The following CLVS1 variants were observed in gnomAD, a reference collection of about 807,000 sequenced individuals.
The protein encoded by CLVS1 is clavesin 1.
A neutral mutation model predicts 33.1 loss-of-function variants in CLVS1; 10 were observed. The observed-to-expected ratio is 0.30, with a 90% CI of 0.19 to 0.51. The LOEUF (loss-of-function observed/expected upper bound fraction) is 0.51, where lower values mean the gene tolerates loss of function less well. Among genes scored for constraint, CLVS1 ranks in the 20% least tolerant of loss-of-function variants. CLVS1 has a pLI of 0.97. For synonymous variants in CLVS1, 163 were observed against 166.1 expected, an observed-to-expected ratio of 0.98 and a Z score of 0.14; for missense variants, 343 against 433.4, an observed-to-expected ratio of 0.79 and a Z score of 1.85.
At chr8:61,085,762 C>T (rs1805109489) in intron 1 of CLVS1, among the ~76,000 whole-genome samples, 1 of 151,248 alleles carries the variant, frequency 6.6e-6, no homozygotes, top group Non-Finnish European at 1.5e-5. Context: ...TGGCTCACAC[C>T]TGTAATCCCA....
chr8:61,080,867 C>T (rs73260323), intron 1 of CLVS1, among the ~76,000 whole-genome samples: 12,202 of 152,120 alleles, frequency 0.08, 572 homozygotes, highest in Middle Eastern at 0.13. Flanking sequence ...CAAGAGTTAG[C>T]GCTTGGCTGT....
upstream of CLVS1, among the ~76,000 whole-genome samples, chr8:61,284,648 T>G (rs562439588): frequency 6.6e-6 from 1 of 152,204 alleles, no homozygotes; most frequent in East Asian, 1.9e-4. Flanking sequence ...GTTATTAAAG[T>G]GCAAATAAAG....
chr8:61,088,467 G>A (rs1200523657), intron 1 of CLVS1, among the ~76,000 whole-genome samples: 3 of 131,024 alleles, frequency 2.3e-5, no homozygotes, highest in Non-Finnish European at 4.6e-5. Context: ...TCCAGCCAAG[G>A]TAACAGAGCG....
intron 1 of CLVS1, among the ~76,000 whole-genome samples, chr8:61,299,008 T>C (rs1810327657): frequency 6.6e-6 from 1 of 152,122 alleles, no homozygotes; most frequent in Non-Finnish European, 1.5e-5. Flanking sequence ...ATAAAGCCAT[T>C]TGCAAATGTC....
At chr8:61,467,047 A>G (rs1413096969) in intron 5 of CLVS1, among the ~76,000 whole-genome samples, 1 of 152,220 alleles carries the variant, frequency 6.6e-6, no homozygotes, top group Non-Finnish European at 1.5e-5. Context: ...CTTCAAATAT[A>G]TGTATCTGTA....
intron 1 of CLVS1, among the ~76,000 whole-genome samples, chr8:61,091,325 T>C (rs1020496661): frequency 6.6e-6 from 1 of 152,208 alleles, no homozygotes; most frequent in Non-Finnish European, 1.5e-5. Flanking sequence ...ATTTTAGCCA[T>C]AGAGGACTCA....
intron 2 of CLVS1, among the ~76,000 whole-genome samples, chr8:61,225,796 A>G (rs1808315840): frequency 6.6e-6 from 1 of 152,220 alleles, no homozygotes; most frequent in Admixed American, 6.5e-5. Context: ...AGTACCACCC[A>G]GGGAAAATGA....
chr8:61,254,421 G>A (rs892908274), intron 2 of CLVS1, among the ~76,000 whole-genome samples: 2 of 152,190 alleles, frequency 1.3e-5, no homozygotes, highest in Non-Finnish European at 2.9e-5. Context: ...GCTGCGTGCT[G>A]GGAGATCCAC....
chr8:61,146,368 G>A (rs1430296292), intron 2 of CLVS1, among the ~76,000 whole-genome samples: 1 of 152,198 alleles, frequency 6.6e-6, no homozygotes, highest in Non-Finnish European at 1.5e-5. Context: ...TAGAAAAGGA[G>A]GAAGGGGTTC....
chr8:61,425,119 C>A (rs940935229), intron 3 of CLVS1, among the ~76,000 whole-genome samples: 5 of 152,184 alleles, frequency 3.3e-5, no homozygotes, highest in African/African-American at 9.7e-5. Context: ...TACTACTACT[C>A]AAATTTATCA....
the CLVS1 span, among the ~76,000 whole-genome samples, chr8:61,046,347 T>C: frequency 6.9e-6 from 1 of 144,950 alleles, no homozygotes; most frequent in Non-Finnish European, 1.5e-5. Context: ...CATTGATCTA[T>C]ATCTCTGTTT....
At chr8:61,237,003 C>A (rs936922254) in intron 2 of CLVS1, among the ~76,000 whole-genome samples, 1 of 152,206 alleles carries the variant, frequency 6.6e-6, no homozygotes, top group Admixed American at 6.5e-5. Context: ...CAATTTGGCT[C>A]AGAAACACTT....
At chr8:60,968,681 G>T in the CLVS1 span, among the ~76,000 whole-genome samples, 1 of 151,862 alleles carries the variant, frequency 6.6e-6, no homozygotes. Context: ...TTGAGGCCAG[G>T]GGTTCGAGAC....
chr8:61,083,363 A>G (rs1255091819), intron 1 of CLVS1, among the ~76,000 whole-genome samples: 1 of 152,152 alleles, frequency 6.6e-6, no homozygotes, highest in Non-Finnish European at 1.5e-5. Context: ...CCTAGCAGCC[A>G]GTGGGCCGCC....
chr8:61,112,229 CAG>C (rs543340398), intron 1 of CLVS1, among the ~76,000 whole-genome samples: 11 of 149,848 alleles, frequency 7.3e-5, no homozygotes, highest in East Asian at 3.9e-4. Flanking sequence ...CGCACAGAGA[CAG>C]AGAGAGAGAG....
the CLVS1 span, among the ~76,000 whole-genome samples, chr8:60,981,188 A>AG: frequency 2.4e-3 from 363 of 152,352 alleles, 2 homozygotes; most frequent in African/African-American, 8.4e-3. Flanking sequence ...GGAACAAAAA[A>AG]CTTAGGTCCC....
At chr8:61,479,583 C>T (rs1269177382) in intron 5 of CLVS1, among the ~76,000 whole-genome samples, 10 of 152,198 alleles carry the variant, frequency 6.6e-5, no homozygotes, top group African/African-American at 1.4e-4. Flanking sequence ...TCTCTCAACT[C>T]GTCAAAGTCA....
At chr8:61,265,946 C>A (rs1380269437) in intron 2 of CLVS1, among the ~76,000 whole-genome samples, 2 of 152,226 alleles carry the variant, frequency 1.3e-5, no homozygotes, top group South Asian at 2.1e-4. Flanking sequence ...AGCCCCCTCA[C>A]CAGCCATTGC....
intron 2 of CLVS1, among the ~76,000 whole-genome samples, chr8:61,353,645 G>A (rs113200167): frequency 1.3e-5 from 2 of 151,022 alleles, no homozygotes; most frequent in African/African-American, 2.4e-5. Context: ...AATAAGGAAA[G>A]GTCTCAAGTC....
Sources: gnomAD v4.1 joint callset for allele counts (sites outside exome capture counted in the v4.1 genomes callset) on GRCh38, gnomAD v4.1.1 for gene constraint, MANE v1.5 for transcripts, NCBI Gene and HGNC (gene_info 2026-07-23, HGNC 2026-07-21) for gene names.